MTUS2: variants seen among roughly 807,000 people sequenced by gnomAD.
MTUS2 encodes microtubule associated scaffold protein 2.
MTUS2 carries 40 observed loss-of-function variants against 114.1 expected under a neutral mutation model. That is an observed-to-expected ratio of 0.35 (90% confidence interval 0.27 to 0.46). The LOEUF (loss-of-function observed/expected upper bound fraction) is 0.46, where lower values mean the gene tolerates loss of function less well. Among genes scored for constraint, MTUS2 ranks in the 20% least tolerant of loss-of-function variants. The pLI is 1.00. For missense variants in MTUS2, 1,679 were observed against 1,705.4 expected (o/e 0.98, Z 0.27); for synonymous variants, 688 against 672.0 (o/e 1.02, Z -0.37).
In MTUS2 at chr13:29,270,300, T is replaced by C. The variant is rs142659549; in HGVS notation, c.2645-11404T>C. Among the ~76,000 whole-genome samples the C allele has an allele frequency of 5.1e-3, 780 of 152,222 alleles. 10 individuals carry two copies. The highest frequency in any genetic ancestry group is 0.018 in the African/African-American group (747 of 41,528). On this transcript the variant is annotated intron_variant, in intron 5 of 15. Coordinates refer to ENST00000612955, the MANE Select transcript of MTUS2 (RefSeq NM_001033602.4). ...AAACCATGTGTTGAAAGATTCATGG[T>C]GCCCCTGAGGTAAAGCACCCCCCTC...
intron 6 of MTUS2, 84 bp downstream of exon 6, chr13:29,281,949 A>T: frequency 7.1e-7 from 1 of 1,404,274 alleles, no homozygotes; most frequent in East Asian, 2.4e-5. Flanking sequence ...CCCTGTGTAC[A>T]TCAGTTATTT....
intron 5 of MTUS2, among the ~76,000 whole-genome samples, chr13:29,159,862 G>C (rs1275521930): frequency 2.6e-5 from 4 of 152,176 alleles, no homozygotes. Flanking sequence ...GTGAGAATGT[G>C]GAAAAACTAG....
At chr13:28,877,481 AAG>A (rs1878017041) in intron 2 of MTUS2, among the ~76,000 whole-genome samples, 1 of 152,226 alleles carries the variant, frequency 6.6e-6, no homozygotes, top group Non-Finnish European at 1.5e-5. Flanking sequence ...TAGGAAAACT[AAG>A]AAAGGAAATC....
chr13:28,980,409 G>A (rs1884307879), intron 2 of MTUS2, among the ~76,000 whole-genome samples: 1 of 152,164 alleles, frequency 6.6e-6, no homozygotes, highest in African/African-American at 2.4e-5. Context: ...AGGCCAACAT[G>A]CTAGTTTCTC....
chr13:29,051,680 T>A (rs1214255659), intron 4 of MTUS2, among the ~76,000 whole-genome samples: 1 of 152,076 alleles, frequency 6.6e-6, no homozygotes, highest in African/African-American at 2.4e-5. Context: ...CAAAAAATGG[T>A]CAATAATGTT....
intron 8 of MTUS2, among the ~76,000 whole-genome samples, chr13:29,367,865 G>A (rs1350766285): frequency 6.6e-6 from 1 of 151,922 alleles, no homozygotes; most frequent in Non-Finnish European, 1.5e-5. Context: ...GCATCAATGA[G>A]CCCTCAAGTC....
intron 4 of MTUS2, among the ~76,000 whole-genome samples, chr13:29,090,522 G>T (rs1368641055): frequency 1.3e-5 from 2 of 152,230 alleles, no homozygotes; most frequent in African/African-American, 4.8e-5. Context: ...AGTGAAGGAA[G>T]GCTGTAGCTG....
At chr13:28,963,658 T>A (rs1184276872) in intron 2 of MTUS2, among the ~76,000 whole-genome samples, 2 of 152,256 alleles carry the variant, frequency 1.3e-5, no homozygotes, top group East Asian at 3.9e-4. Context: ...TTTCACACAG[T>A]CCCCTATGCA....
intron 8 of MTUS2, among the ~76,000 whole-genome samples, chr13:29,384,684 T>G (rs1872516746): frequency 6.6e-6 from 1 of 152,262 alleles, no homozygotes; most frequent in African/African-American, 2.4e-5. Flanking sequence ...TCTGCACAGC[T>G]GCTGACATCT....
chr13:29,314,521 C>T (rs1402612657), intron 6 of MTUS2, among the ~76,000 whole-genome samples: 1 of 152,028 alleles, frequency 6.6e-6, no homozygotes, highest in Non-Finnish European at 1.5e-5. Context: ...GGAAGGGAGC[C>T]TGCAGAGAAA....
chr13:29,451,282 A>G (rs1878665327), intron 9 of MTUS2, among the ~76,000 whole-genome samples: 1 of 152,224 alleles, frequency 6.6e-6, no homozygotes, highest in Non-Finnish European at 1.5e-5. Flanking sequence ...ACATAAAAAT[A>G]TCTGAAAAAA....
At chr13:28,877,649 T>C (rs1878027477) in intron 2 of MTUS2, among the ~76,000 whole-genome samples, 1 of 152,212 alleles carries the variant, frequency 6.6e-6, no homozygotes, top group African/African-American at 2.4e-5. Flanking sequence ...CTATAAATCC[T>C]GTGACTAACG....
Position 29,026,345 on chromosome 13 carries a change from A to G in MTUS2, c.1647A>G (p.Thr549=). 5 of 1,613,956 alleles carry G rather than the reference A, an allele frequency of 3.1e-6. No individual in the cohort carries two copies. The highest frequency in any genetic ancestry group is 4.2e-6 in the Non-Finnish European group (5 of 1,179,892). The change falls in exon 3 of 16, where the codon ACA becomes ACG. Residue 549 remains threonine, a synonymous_variant. Coordinates refer to ENST00000612955, the MANE Select transcript of MTUS2 (RefSeq NM_001033602.4). ...ETTVNMTYQP[T]TPSSSFQDVS... ...CTGTGAACATGACCTACCAGCCTACAACACCCAGTAGCAGTTTTCAGGATG... is the reference window on the plus strand; with the variant it reads ...CTGTGAACATGACCTACCAGCCTACGACACCCAGTAGCAGTTTTCAGGATG...
chr13:29,039,874 G>A (rs997030340), intron 4 of MTUS2, among the ~76,000 whole-genome samples: 3 of 152,180 alleles, frequency 2.0e-5, no homozygotes, highest in African/African-American at 4.8e-5. Flanking sequence ...TTGATTTTAC[G>A]TGGATTTCCC....
intron 2 of MTUS2, among the ~76,000 whole-genome samples, chr13:28,919,695 C>CA (rs1327066423): frequency 6.6e-6 from 1 of 151,980 alleles, no homozygotes; most frequent in East Asian, 1.9e-4. Flanking sequence ...TCTTTAAGGC[C>CA]AAAAAACTCT....
chr13:29,505,649 G>A lies in MTUS2; in HGVS notation c.*2443G>A. The stretch of plus-strand genomic sequence containing the variant: ...CTGTCCCCTTCCAGGCTGGAGCGAC[G>A]TTTCCACGTTCGGATGCTGCAGCCT... On this transcript the variant is annotated 3_prime_UTR_variant, in exon 16 of 16. Coordinates refer to ENST00000612955, the MANE Select transcript of MTUS2 (RefSeq NM_001033602.4). 1 of 230,982 alleles carries A rather than the reference G, an allele frequency of 4.3e-6. No homozygotes were observed. Among genetic ancestry groups the A allele is most frequent in the Middle Eastern group, 1.3e-3 (1 of 770 alleles). The allele number at this position is 230,982 out of a possible 1,614,324, so 14.3% of individuals were successfully genotyped here.
chr13:29,406,914 T>C (rs757485797), intron 8 of MTUS2, among the ~76,000 whole-genome samples: 4 of 152,254 alleles, frequency 2.6e-5, no homozygotes, highest in South Asian at 2.1e-4. Context: ...TGTTTCACTG[T>C]ATCAATATGC....
At chr13:29,450,696 C>T (rs968948772) in intron 9 of MTUS2, among the ~76,000 whole-genome samples, 2 of 151,932 alleles carry the variant, frequency 1.3e-5, no homozygotes, top group Admixed American at 6.6e-5. Context: ...CTAAAATAAA[C>T]CTGCTTCAAA....
intron 2 of MTUS2, among the ~76,000 whole-genome samples, chr13:28,942,203 G>T (rs1004633092): frequency 7.2e-5 from 11 of 152,058 alleles, no homozygotes; most frequent in Admixed American, 7.2e-4. Flanking sequence ...CACAAACGAG[G>T]ATATCCAAAT....
Sources: allele counts gnomAD v4.1 joint callset (sites outside exome capture counted in the v4.1 genomes callset), GRCh38; gene constraint gnomAD v4.1.1; transcripts MANE v1.5; gene names NCBI Gene and HGNC (gene_info 2026-07-23, HGNC 2026-07-21).